GPC3: variants seen among roughly 807,000 people sequenced by gnomAD.
The protein encoded by GPC3 is glypican 3.
In GPC3, 3 loss-of-function variants were observed where a neutral mutation model predicts 34.4. That is an observed-to-expected ratio of 0.09 (90% CI 0.04 to 0.23). The LOEUF (loss-of-function observed/expected upper bound fraction) is 0.23. GPC3 is among the 10% of genes least tolerant of loss of function. The pLI is 1.00. For synonymous variants in GPC3, 177 were observed against 174.0 expected (o/e 1.02, Z -0.13); for missense variants, 351 against 445.6 (o/e 0.79, Z 1.91).
chrX:133,883,827 G>GT (rs2076051789), intron 2 of GPC3, among the ~76,000 whole-genome samples: 1 of 111,784 alleles, frequency 8.9e-6, no homozygotes, highest in South Asian at 3.7e-4. Flanking sequence ...CACTGCAACC[G>GT]TAATATACTA....
intron 6 of GPC3, among the ~76,000 whole-genome samples, chrX:133,639,853 C>G (rs907364916): frequency 2.7e-5 from 3 of 111,058 alleles, no homozygotes; most frequent in African/African-American, 9.8e-5. Flanking sequence ...TTGCTGTTCT[C>G]AATACTGTCA....
At chrX:133,931,040 G>A (rs2076296259) in intron 2 of GPC3, among the ~76,000 whole-genome samples, 1 of 111,739 alleles carries the variant, frequency 8.9e-6, no homozygotes, top group African/African-American at 3.3e-5. Context: ...GAGAGACCAG[G>A]CACTCAAATA....
In GPC3 at chrX:133,681,262, G is replaced by A. The variant is rs139615225; in HGVS notation, c.1292+11107C>T. On this transcript the variant is annotated intron_variant, in intron 5 of 7. Coordinates refer to ENST00000370818, the MANE Select transcript of GPC3 (RefSeq NM_004484.4). Reference sequence around the variant, plus strand: ...TCCATTTTACGTGTGGGGAAGCTGAGGATCAGAGAAGAAAAGGAGCTAATA... The same window carrying A: ...TCCATTTTACGTGTGGGGAAGCTGAAGATCAGAGAAGAAAAGGAGCTAATA... 1.2e-3 allele frequency among the ~76,000 whole-genome samples: 139 copies of A among 111,767 alleles called. 2 individuals carry two copies. The highest frequency in any genetic ancestry group is 4.4e-3 in the African/African-American group (136 of 30,763).
At chrX:133,695,661 G>A (rs1013401477) in intron 4 of GPC3, among the ~76,000 whole-genome samples, 20 of 112,061 alleles carry the variant, frequency 1.8e-4, no homozygotes, top group African/African-American at 6.5e-4. Context: ...CGCACCAGCT[G>A]TAAACAGTTC....
chrX:133,850,342 T>TTCA (rs2075868259), intron 2 of GPC3, among the ~76,000 whole-genome samples: 1 of 110,743 alleles, frequency 9.0e-6, no homozygotes, highest in Non-Finnish European at 1.9e-5. Context: ...GTAAAATGTT[T>TTCA]TGAAGAGTAG....
intron 1 of GPC3, among the ~76,000 whole-genome samples, chrX:133,963,966 A>T (rs2076452105): frequency 9.0e-6 from 1 of 110,975 alleles, no homozygotes; most frequent in Non-Finnish European, 1.9e-5. Context: ...GGACTCCTAC[A>T]CTAGGTAGGA....
chrX:133,665,096 A>G (rs768752453), intron 5 of GPC3, among the ~76,000 whole-genome samples: 1 of 112,316 alleles, frequency 8.9e-6, no homozygotes, highest in Non-Finnish European at 1.9e-5. Context: ...AATATAAACA[A>G]TGCTGCAGAG....
chrX:133,644,925 C>T (rs1177271564), intron 6 of GPC3, among the ~76,000 whole-genome samples: 2 of 110,583 alleles, frequency 1.8e-5, no homozygotes, highest in Non-Finnish European at 3.8e-5. Flanking sequence ...GGATTATAGG[C>T]GCCTGCCACC....
intron 2 of GPC3, among the ~76,000 whole-genome samples, chrX:133,942,832 A>G (rs1421734108): frequency 8.9e-6 from 1 of 112,230 alleles, no homozygotes; most frequent in Non-Finnish European, 1.9e-5. Flanking sequence ...TAACAAATAG[A>G]TAACAATTCT....
At chrX:133,890,161 A>AT (rs1395846809) in intron 2 of GPC3, among the ~76,000 whole-genome samples, 5 of 111,131 alleles carry the variant, frequency 4.5e-5, no homozygotes, top group Non-Finnish European at 9.4e-5. Flanking sequence ...AGTTGTCAGC[A>AT]TTTTTCAATG....
intron 7 of GPC3, among the ~76,000 whole-genome samples, chrX:133,585,787 C>A (rs1252172540): frequency 8.9e-6 from 1 of 112,050 alleles, no homozygotes; most frequent in African/African-American, 3.2e-5. Flanking sequence ...TAAATTACCA[C>A]ATTTTAGTTG....
intron 3 of GPC3, among the ~76,000 whole-genome samples, chrX:133,724,922 A>C: frequency 9.0e-6 from 1 of 111,699 alleles, no homozygotes; most frequent in Non-Finnish European, 1.9e-5. Context: ...CATAGTAATA[A>C]GATAAACGAA....
intron 4 of GPC3, among the ~76,000 whole-genome samples, chrX:133,692,874 T>C (rs1368467065): frequency 9.0e-6 from 1 of 111,711 alleles, no homozygotes; most frequent in Admixed American, 9.5e-5. Flanking sequence ...ATTGGGTGCA[T>C]TGATTGTAAT....
At chrX:133,856,284 T>C (rs929117226) in intron 2 of GPC3, among the ~76,000 whole-genome samples, 2 of 111,665 alleles carry the variant, frequency 1.8e-5, no homozygotes, top group African/African-American at 6.5e-5. Context: ...ACACTTGTTA[T>C]CTCTTGTCTT....
At chrX:133,654,034 T>C (rs1172014397) in intron 6 of GPC3, among the ~76,000 whole-genome samples, 1 of 111,949 alleles carries the variant, frequency 8.9e-6, no homozygotes, top group Admixed American at 9.5e-5. Context: ...CCTGCACTTA[T>C]ATAATTCTGC....
chrX:133,925,468 A>C (rs2076270889), intron 2 of GPC3, among the ~76,000 whole-genome samples: 1 of 112,079 alleles, frequency 8.9e-6, no homozygotes, highest in Non-Finnish European at 1.9e-5. Context: ...CAGGATTTTA[A>C]GGTATCTTCT....
At chrX:133,775,727 G>A (rs1432781472) in intron 2 of GPC3, among the ~76,000 whole-genome samples, 1 of 111,635 alleles carries the variant, frequency 9.0e-6, no homozygotes, top group African/African-American at 3.3e-5. Flanking sequence ...GCAGAATTGA[G>A]AGCATCACTT....
chrX:133,903,714 G>A (rs1488800969), intron 2 of GPC3, among the ~76,000 whole-genome samples: 3 of 112,441 alleles, frequency 2.7e-5, no homozygotes, highest in East Asian at 2.8e-4. Flanking sequence ...GAGAAGGAAA[G>A]GGGAATACTG....
intron 2 of GPC3, among the ~76,000 whole-genome samples, chrX:133,774,840 A>C (rs2071961629): frequency 9.0e-6 from 1 of 111,295 alleles, no homozygotes; most frequent in African/African-American, 3.3e-5. Flanking sequence ...CTGGGATCTC[A>C]CTTATAACCA....
Sources: gnomAD v4.1 joint callset for allele counts (sites outside exome capture counted in the v4.1 genomes callset) on GRCh38, gnomAD v4.1.1 for gene constraint, MANE v1.5 for transcripts, NCBI Gene and HGNC (gene_info 2026-07-23, HGNC 2026-07-21) for gene names.